The following C1orf21 variants were observed in gnomAD, a reference collection of about 807,000 sequenced individuals.
The protein encoded by C1orf21 is uncharacterized protein C1orf21.
C1orf21 carries 3 observed loss-of-function variants against 18.7 expected under a neutral mutation model. The observed-to-expected ratio is 0.16, with a 90% CI of 0.07 to 0.42. The LOEUF (loss-of-function observed/expected upper bound fraction) is 0.42. C1orf21 is among the 10% of genes least tolerant of loss of function. The pLI, the probability that C1orf21 is intolerant of heterozygous loss-of-function variation, is 0.99. For synonymous variants in C1orf21, 41 were observed against 46.4 expected (o/e 0.88, Z 0.47); for missense variants, 104 against 143.6 (o/e 0.72, Z 1.41).
At chr1:184,505,306 A>AATATATATATATAT (rs59445875) in intron 2 of C1orf21, among the ~76,000 whole-genome samples, 96 of 66,676 alleles carry the variant, frequency 1.4e-3, no homozygotes, top group Non-Finnish European at 1.6e-3. Context: ...TACATAAAGA[A>AATATATATATATAT]ATATATATAT....
intron 1 of C1orf21, among the ~76,000 whole-genome samples, chr1:184,465,072 G>C (rs1435195270): frequency 6.6e-6 from 1 of 152,098 alleles, no homozygotes; most frequent in Non-Finnish European, 1.5e-5. Context: ...TGCCCAGCCA[G>C]TTTTCTAATT....
At chr1:184,553,217 A>G (rs1658836894) in intron 3 of C1orf21, among the ~76,000 whole-genome samples, 1 of 152,148 alleles carries the variant, frequency 6.6e-6, no homozygotes, top group Non-Finnish European at 1.5e-5. Flanking sequence ...TAGTTCTAAC[A>G]CTGTTTATTC....
rs1248855376 is a variant in C1orf21, at chr1:184,473,430, A to T, written c.-124-3956A>T. Among the ~76,000 whole-genome samples, 3 of 152,078 alleles carry T rather than the reference A, an allele frequency of 2.0e-5. No homozygotes were observed. In the East Asian group the frequency reaches 5.8e-4, roughly 29 times the overall value. ...ACAATAGAGCATGTGAGGTTGGGAG[A>T]GAAAAGCTGAGCAAAGCGAATGAAA... is the stretch of plus-strand genomic sequence containing the variant. On this transcript the variant is annotated intron_variant, in intron 1 of 5. Transcript: ENST00000235307.
Position 184,575,709 on chromosome 1 carries a change from T to A in C1orf21, c.190-15030T>A, listed in dbSNP as rs377754609. ...TCTATGTATACTAATAGAAAAAAAATTTTAATACAAAGAGTTCATACCAGA... is the reference window on the plus strand; with the variant it reads ...TCTATGTATACTAATAGAAAAAAAAATTTAATACAAAGAGTTCATACCAGA... On this transcript the variant is annotated intron_variant, in intron 3 of 5. Transcript: ENST00000235307. Among the ~76,000 whole-genome samples, 14 of 148,226 alleles carry A rather than the reference T, an allele frequency of 9.4e-5. No individual in the cohort carries two copies. In the East Asian group the frequency reaches 1.2e-3, roughly 13 times the overall value.
At chr1:184,588,597 G>C (rs1659394123) in intron 3 of C1orf21, among the ~76,000 whole-genome samples, 1 of 152,096 alleles carries the variant, frequency 6.6e-6, no homozygotes, top group Admixed American at 6.6e-5. Context: ...GTAAAATGGG[G>C]ATAATAATGG....
At chr1:184,553,296 A>T (rs1461653239) in intron 3 of C1orf21, among the ~76,000 whole-genome samples, 1 of 152,206 alleles carries the variant, frequency 6.6e-6, no homozygotes, top group Non-Finnish European at 1.5e-5. Flanking sequence ...TTCCATTAAT[A>T]ATCCTAGGCA....
intron 5 of C1orf21, among the ~76,000 whole-genome samples, chr1:184,603,240 G>A (rs1363370993): frequency 1.3e-5 from 2 of 152,206 alleles, no homozygotes; most frequent in African/African-American, 2.4e-5. Flanking sequence ...ATAGATAGTT[G>A]TGACTTTAAA....
intron 3 of C1orf21, among the ~76,000 whole-genome samples, chr1:184,572,866 C>T (rs912068813): frequency 7.9e-5 from 12 of 151,532 alleles, no homozygotes; most frequent in African/African-American, 2.7e-4. Flanking sequence ...GCAGGAGACT[C>T]GCTTGAACCA....
chr1:184,613,446 G>T (rs1367445725), intron 5 of C1orf21, among the ~76,000 whole-genome samples: 2 of 152,150 alleles, frequency 1.3e-5, no homozygotes, highest in Non-Finnish European at 2.9e-5. Flanking sequence ...CAGTCCTGTT[G>T]CCCCTCTCCT....
At chr1:184,616,803 CACAT>C (rs1242885846) in intron 5 of C1orf21, among the ~76,000 whole-genome samples, 1 of 152,130 alleles carries the variant, frequency 6.6e-6, no homozygotes, top group East Asian at 1.9e-4. Context: ...CTCTAAACTC[CACAT>C]TGGCTGGCTG....
chr1:184,530,901 AT>A (rs1377387207), intron 3 of C1orf21, among the ~76,000 whole-genome samples: 2 of 152,010 alleles, frequency 1.3e-5, no homozygotes, highest in Non-Finnish European at 2.9e-5. Flanking sequence ...TAGAAATGGC[AT>A]TGTGGTAATA....
At chr1:184,507,981 A>G (rs928015935) in intron 3 of C1orf21, among the ~76,000 whole-genome samples, 1 of 152,092 alleles carries the variant, frequency 6.6e-6, no homozygotes, top group Admixed American at 6.6e-5. Flanking sequence ...TGAGGGGAGG[A>G]TTGTTTTAGT....
intron 5 of C1orf21, 110 bp from the exon 6 acceptor site, chr1:184,619,406 TGG>T: frequency 8.5e-7 from 1 of 1,172,896 alleles, no homozygotes; most frequent in Non-Finnish European, 1.2e-6. Context: ...TGACAAAGCC[TGG>T]ATTCTGTTGC....
intron 1 of C1orf21, among the ~76,000 whole-genome samples, chr1:184,400,559 G>C (rs563533550): frequency 6.6e-6 from 1 of 152,056 alleles, no homozygotes; most frequent in African/African-American, 2.4e-5. Context: ...TGTACCATGG[G>C]TAGAAATTTC....
chr1:184,591,055 G>A (rs1659429758), intron 4 of C1orf21, among the ~76,000 whole-genome samples: 1 of 152,196 alleles, frequency 6.6e-6, no homozygotes, highest in South Asian at 2.1e-4. Flanking sequence ...TAGAGTATAT[G>A]AGAGGATGTG....
intron 5 of C1orf21, 34 bp downstream of exon 5, chr1:184,598,495 A>T (rs1164968070): frequency 1.3e-6 from 2 of 1,571,440 alleles, no homozygotes. Flanking sequence ...ACATGTTTCA[A>T]GGGAAGTATA....
intron 1 of C1orf21, among the ~76,000 whole-genome samples, chr1:184,471,481 T>G (rs1008815150): frequency 1.6e-4 from 25 of 152,162 alleles, no homozygotes; most frequent in Non-Finnish European, 3.2e-4. Flanking sequence ...TCATCCTTTA[T>G]ATCACTACTT....
rs145899114 is a variant in C1orf21 at position 184,432,648 on chromosome 1, C to T, written c.-124-44738C>T. Among the ~76,000 whole-genome samples the T allele has an allele frequency of 5.3e-5, 8 of 151,494 alleles. No individual in the cohort carries two copies. In the East Asian group the frequency reaches 1.6e-3, roughly 29 times the overall value. On this transcript the variant is annotated intron_variant, in intron 1 of 5. Coordinates refer to ENST00000235307, the MANE Select transcript of C1orf21 (RefSeq NM_030806.4). ...AAACCTGCACGTTCTCCACATGTAT[C>T]TCAGCACTTAAAGTATTAAAAAAAA...
At chr1:184,394,505 A>AT (rs1656020096) in intron 1 of C1orf21, among the ~76,000 whole-genome samples, 1 of 152,232 alleles carries the variant, frequency 6.6e-6, no homozygotes, top group African/African-American at 2.4e-5. Context: ...ACATGCATGC[A>AT]TATCATAGCC....
Sources: allele counts gnomAD v4.1 joint callset (sites outside exome capture counted in the v4.1 genomes callset), GRCh38; gene constraint gnomAD v4.1.1; transcripts MANE v1.5; gene names NCBI Gene and HGNC (gene_info 2026-07-23, HGNC 2026-07-21).